KCNT1: variants seen among roughly 807,000 people sequenced by gnomAD.
KCNT1 encodes potassium sodium-activated channel subfamily T member 1, also known as potassium channel subfamily T member 1.
In KCNT1, 78 loss-of-function variants were observed where a neutral mutation model predicts 147.8. The observed-to-expected ratio is 0.53, with a 90% CI of 0.44 to 0.64. The LOEUF (loss-of-function observed/expected upper bound fraction) is 0.64, where lower values mean the gene tolerates loss of function less well. Among genes scored for constraint, KCNT1 ranks in the 30% least tolerant of loss-of-function variants. The pLI is 0.00. For missense variants in KCNT1, 1,419 were observed against 1,750.3 expected, an observed-to-expected ratio of 0.81 and a Z score of 3.38; for synonymous variants, 867 against 748.8, an observed-to-expected ratio of 1.16 and a Z score of -2.58.
intron 28 of KCNT1, chr9:135,785,652 C>T (rs552657196): frequency 2.0e-5 from 11 of 560,592 alleles, no homozygotes; most frequent in Admixed American, 1.2e-4. Flanking sequence ...GACCAGCCCC[C>T]AGCCTCCCAG....
intron 2 of KCNT1, among the ~76,000 whole-genome samples, chr9:135,746,552 T>C (rs749053851): frequency 1.3e-5 from 2 of 152,212 alleles, no homozygotes; most frequent in African/African-American, 4.8e-5. Flanking sequence ...GTTTCCTGGC[T>C]GTGGAGGCCA....
rs533583770 is a variant in KCNT1, at chr9:135,737,899, T to G, written c.255-12199T>G. Among the ~76,000 whole-genome samples the G allele has an allele frequency of 3.0e-4, 45 of 152,304 alleles. No individual in the cohort carries two copies. In the South Asian group the frequency reaches 9.3e-3, roughly 32 times the overall value. ...TAAGGTCAAGCACCTGGCTGCAGCCTCCTGCAGCTAATGGGCAGCCTCCGC... is the reference window on the plus strand; with the variant it reads ...TAAGGTCAAGCACCTGGCTGCAGCCGCCTGCAGCTAATGGGCAGCCTCCGC... On this transcript the variant is annotated intron_variant, in intron 2 of 30. Transcript: ENST00000371757.
chr9:135,775,276 C>T, intron 19 of KCNT1, 34 bp from the exon 20 acceptor site: 4 of 1,535,108 alleles, frequency 2.6e-6, no homozygotes, highest in Non-Finnish European at 3.6e-6. Context: ...CACCTCTGTG[C>T]AGCTGTGCTG....
chr9:135,704,189 G>T (rs1263085508), intron 1 of KCNT1, among the ~76,000 whole-genome samples: 1 of 152,232 alleles, frequency 6.6e-6, no homozygotes, highest in Admixed American at 6.5e-5. Flanking sequence ...AGGCAACAGC[G>T]TGGTCAGAAC....
At position 135,770,372 on chromosome 9, in the gene KCNT1, G is replaced by A. The variant is rs769855266; in HGVS notation, c.1694G>A (p.Arg565His). ...TCCGGCAACGAGGTGTACCACATCC[G>A]CATGGGTGACAGCAAGTTCTTCCGC... ...RCSGNEVYHI[R>H]MGDSKFFREY... Residue 565 changes from arginine (R) to histidine (H), a missense_variant, in exon 17 of 31, where the codon CGC (arginine) becomes CAC (histidine). Physicochemically the swap from Arg to His is conservative, Grantham distance 29. Transcript: ENST00000371757. 1.7e-4 allele frequency: 277 copies of A among 1,613,088 alleles called. No homozygotes were observed. Among genetic ancestry groups the A allele is most frequent in the Non-Finnish European group, 2.2e-4 (262 of 1,179,796 alleles).
chr9:135,779,574 C>A lies in KCNT1; in HGVS notation c.2841+104C>A, dbSNP rs1833457144. On this transcript the variant is annotated intron_variant, in intron 24 of 30. Transcript: ENST00000371757. ...GCCAGTGCCATGGGAGGCTGGGCTC[C>A]TGCCGCCCTCCTGCTGGGGAACTCA... 3.6e-6 allele frequency: 3 copies of A among 844,902 alleles called. No individual in the cohort carries two copies. In the Admixed American group the frequency reaches 6.1e-5, roughly 17 times the overall value. 52.3% of individuals were successfully genotyped at this position (844,902 alleles called of 1,614,324 possible).
intron 2 of KCNT1, among the ~76,000 whole-genome samples, chr9:135,741,753 C>G (rs1350787577): frequency 1.3e-5 from 2 of 152,254 alleles, no homozygotes; most frequent in Non-Finnish European, 2.9e-5. Context: ...CTTCCTCCTT[C>G]CTGCCTGTGT....
chr9:135,721,551 G>A (rs1000273619), intron 2 of KCNT1, among the ~76,000 whole-genome samples: 3 of 152,192 alleles, frequency 2.0e-5, no homozygotes, highest in Admixed American at 6.5e-5. Context: ...CCGGCCATGC[G>A]CATACCAGGA....
In KCNT1 at chr9:135,792,920, C is replaced by G. The variant is rs1356863498; in HGVS notation, c.*759C>G. On this transcript the variant is annotated 3_prime_UTR_variant, in exon 31 of 31. Coordinates refer to ENST00000371757, the MANE Select transcript of KCNT1 (RefSeq NM_020822.3). ...ATTTCCATGGACCATTTTACACTTA[C>G]CTTTTAAAGCAAAGCCTCATTTTCT... 1.3e-5 allele frequency: 2 copies of G among 152,182 alleles called. No individual in the cohort carries two copies. Among genetic ancestry groups the G allele is most frequent in the East Asian group, 3.9e-4 (2 of 5,190 alleles). The allele number at this position is 152,182 out of a possible 1,614,324, so 9.4% of individuals were successfully genotyped here.
At chr9:135,751,851 T>C (rs1174345391) in intron 4 of KCNT1, among the ~76,000 whole-genome samples, 4 of 152,164 alleles carry the variant, frequency 2.6e-5, no homozygotes. Context: ...CTGTGTCCTG[T>C]TTCTTCTCTC....
At chr9:135,766,037 T>C (rs1286884952) in intron 13 of KCNT1, among the ~76,000 whole-genome samples, 3 of 148,964 alleles carry the variant, frequency 2.0e-5, no homozygotes, top group Non-Finnish European at 3.0e-5. Flanking sequence ...TGGAGTGAAC[T>C]GTCAAGGGTG....
intron 29 of KCNT1, 27 bp downstream of exon 29, chr9:135,786,548 C>CCGGA (rs764108176): frequency 1.3e-4 from 202 of 1,542,122 alleles, no homozygotes; most frequent in African/African-American, 2.1e-4. Context: ...CGGGTGGGGG[C>CCGGA]CGGACGGACG....
chr9:135,713,287 C>T (rs993796199), intron 1 of KCNT1, among the ~76,000 whole-genome samples: 2 of 152,284 alleles, frequency 1.3e-5, no homozygotes, highest in African/African-American at 4.8e-5. Flanking sequence ...CATGCAGCTA[C>T]GCTGATGCAG....
At chr9:135,719,565 C>T (rs964707164) in intron 2 of KCNT1, among the ~76,000 whole-genome samples, 3 of 152,154 alleles carry the variant, frequency 2.0e-5, no homozygotes, top group Admixed American at 6.5e-5. Flanking sequence ...CGCCATGCTG[C>T]ACCAGGACCC....
chr9:135,743,801 C>T (rs1275422331), intron 2 of KCNT1, among the ~76,000 whole-genome samples: 1 of 152,260 alleles, frequency 6.6e-6, no homozygotes, highest in Non-Finnish European at 1.5e-5. Context: ...GAGCCAGCCT[C>T]ACCTGGGCCC....
At chr9:135,760,350 A>AG (rs1168142180) in intron 11 of KCNT1, among the ~76,000 whole-genome samples, 1 of 152,140 alleles carries the variant, frequency 6.6e-6, no homozygotes, top group Non-Finnish European at 1.5e-5. Flanking sequence ...GGAGGCCTGG[A>AG]GAGGGCAGCT....
At chr9:135,771,705 T>C (rs1329147753) in intron 18 of KCNT1, among the ~76,000 whole-genome samples, 1 of 152,140 alleles carries the variant, frequency 6.6e-6, no homozygotes, top group Non-Finnish European at 1.5e-5. Flanking sequence ...CCAGACAGGG[T>C]CAGGCTGCCT....
intron 2 of KCNT1, among the ~76,000 whole-genome samples, chr9:135,728,785 C>G: frequency 6.6e-6 from 1 of 152,180 alleles, no homozygotes; most frequent in East Asian, 1.9e-4. Flanking sequence ...AGTGTTTTGC[C>G]GGGTCTGGTT....
At chr9:135,764,958 G>C (rs552342925) in intron 11 of KCNT1, 73 bp from the exon 12 acceptor site, 6 of 1,508,990 alleles carry the variant, frequency 4.0e-6, no homozygotes, top group Admixed American at 2.0e-5. Context: ...CGTGTGTCAG[G>C]GCCCAGGTTC....
Sources: gnomAD v4.1 joint callset for allele counts (sites outside exome capture counted in the v4.1 genomes callset) on GRCh38, gnomAD v4.1.1 for gene constraint, MANE v1.5 for transcripts, NCBI Gene and HGNC (gene_info 2026-07-23, HGNC 2026-07-21) for gene names.